GPC6: variants seen among roughly 807,000 people sequenced by gnomAD.
GPC6 encodes the protein glypican-6.
In GPC6, 14 loss-of-function variants were observed where a neutral mutation model predicts 55.2. The observed-to-expected ratio is 0.25, with a 90% CI of 0.17 to 0.40. The LOEUF is 0.40. GPC6 is among the 10% of genes least tolerant of loss of function. The pLI is 1.00. For synonymous variants in GPC6, 278 were observed against 259.6 expected (o/e 1.07, Z -0.68); for missense variants, 641 against 708.5 (o/e 0.90, Z 1.08).
At chr13:93,442,265 C>T (rs993611440) in intron 1 of GPC6, among the ~76,000 whole-genome samples, 1 of 152,024 alleles carries the variant, frequency 6.6e-6, no homozygotes, top group Non-Finnish European at 1.5e-5. Flanking sequence ...CAGCATTGTG[C>T]AGGTGGAATT....
intron 5 of GPC6, among the ~76,000 whole-genome samples, chr13:94,294,633 CT>C (rs35005098): frequency 1.5e-4 from 22 of 149,028 alleles, no homozygotes; most frequent in Middle Eastern, 3.5e-3. Flanking sequence ...GCATCCAGAT[CT>C]TTTTTTTTTC....
intron 1 of GPC6, among the ~76,000 whole-genome samples, chr13:93,519,227 C>T (rs1881316091): frequency 6.6e-6 from 1 of 151,972 alleles, no homozygotes; most frequent in Non-Finnish European, 1.5e-5. Flanking sequence ...GACCATCCTC[C>T]AATTTATAGA....
intron 1 of GPC6, among the ~76,000 whole-genome samples, chr13:93,295,109 C>CAAAAAGA (rs1878439839): frequency 9.7e-5 from 6 of 61,756 alleles, no homozygotes; most frequent in East Asian, 4.6e-4. Flanking sequence ...TCTGTCTCTG[C>CAAAAAGA]AAAAAAAAAA....
At chr13:93,752,142 AG>A (rs1884616311) in intron 2 of GPC6, among the ~76,000 whole-genome samples, 1 of 152,174 alleles carries the variant, frequency 6.6e-6, no homozygotes, top group South Asian at 2.1e-4. Flanking sequence ...GAGTAAGTAG[AG>A]GACCACATAG....
At chr13:93,830,583 T>G (rs749587582) in intron 3 of GPC6, 38 bp downstream of exon 3, 3 of 1,514,060 alleles carry the variant, frequency 2.0e-6, no homozygotes, top group Non-Finnish European at 2.7e-6. Context: ...TTGGTGTTCC[T>G]TGTTTATTCT....
intron 4 of GPC6, among the ~76,000 whole-genome samples, chr13:94,118,364 TAA>T (rs980142276): frequency 2.0e-5 from 3 of 152,224 alleles, no homozygotes; most frequent in East Asian, 1.9e-4. Flanking sequence ...GCCATTATTT[TAA>T]GTTTCCTGAG....
intron 2 of GPC6, among the ~76,000 whole-genome samples, chr13:93,635,885 G>C (rs765271099): frequency 5.9e-5 from 9 of 152,236 alleles, no homozygotes; most frequent in Middle Eastern, 3.4e-3. Context: ...TTCCTAGTGT[G>C]AGAAAGAGGT....
intron 1 of GPC6, among the ~76,000 whole-genome samples, chr13:93,264,626 G>T (rs1877262025): frequency 6.6e-6 from 1 of 152,042 alleles, no homozygotes; most frequent in African/African-American, 2.4e-5. Context: ...GCCCAGGGTT[G>T]AACTCCAATG....
intron 2 of GPC6, among the ~76,000 whole-genome samples, chr13:93,555,449 A>G (rs567678372): frequency 4.5e-4 from 68 of 152,306 alleles, no homozygotes; most frequent in Admixed American, 8.5e-4. Context: ...GGCACAGACC[A>G]GTTAAATGAA....
intron 5 of GPC6, among the ~76,000 whole-genome samples, chr13:94,298,558 C>T (rs1020861344): frequency 6.6e-6 from 1 of 152,210 alleles, no homozygotes; most frequent in Non-Finnish European, 1.5e-5. Context: ...CTCCAGCACC[C>T]ACGGCTCTGA....
chr13:93,934,898 A>ATGT (rs1878355346), intron 3 of GPC6, among the ~76,000 whole-genome samples: 1 of 151,912 alleles, frequency 6.6e-6, no homozygotes, highest in Non-Finnish European at 1.5e-5. Flanking sequence ...TTTTATATAA[A>ATGT]TTTAAGGATA....
intron 3 of GPC6, among the ~76,000 whole-genome samples, chr13:93,973,057 C>G (rs999612953): frequency 6.6e-6 from 1 of 151,964 alleles, no homozygotes; most frequent in Non-Finnish European, 1.5e-5. Context: ...ACAGGTGTAC[C>G]TTGCTTAATG....
intron 4 of GPC6, among the ~76,000 whole-genome samples, chr13:94,162,069 A>G (rs1235441891): frequency 6.6e-6 from 1 of 152,178 alleles, no homozygotes; most frequent in African/African-American, 2.4e-5. Context: ...CTCCCACAAC[A>G]CATGGGAATT....
intron 3 of GPC6, among the ~76,000 whole-genome samples, chr13:93,950,135 C>T (rs996295167): frequency 6.6e-6 from 1 of 152,066 alleles, no homozygotes; most frequent in Non-Finnish European, 1.5e-5. Context: ...GAATTGTACA[C>T]CTAAGAATAG....
chr13:93,649,732 TA>T (rs1162233203), intron 2 of GPC6, among the ~76,000 whole-genome samples: 1 of 152,182 alleles, frequency 6.6e-6, no homozygotes, highest in Non-Finnish European at 1.5e-5. Flanking sequence ...CATATGTACA[TA>T]AAGTCAGCAG....
At chr13:93,777,847 AAG>A (rs1435301730) in intron 2 of GPC6, among the ~76,000 whole-genome samples, 2 of 152,158 alleles carry the variant, frequency 1.3e-5, no homozygotes, top group Non-Finnish European at 2.9e-5. Flanking sequence ...GAGACCAGCT[AAG>A]AGTTCCCTTT....
intron 2 of GPC6, among the ~76,000 whole-genome samples, chr13:93,725,482 A>T (rs1566505316): frequency 1.3e-5 from 2 of 152,074 alleles, no homozygotes; most frequent in Admixed American, 6.6e-5. Flanking sequence ...TAACCTGCTA[A>T]ATCTAGTTAT....
intron 1 of GPC6, among the ~76,000 whole-genome samples, chr13:93,512,075 T>G (rs1406608801): frequency 1.3e-5 from 2 of 152,092 alleles, no homozygotes; most frequent in Non-Finnish European, 2.9e-5. Flanking sequence ...ATCTAAGAGA[T>G]ATTTTGGTGG....
chr13:94,123,090 T>A (rs1886691698), intron 4 of GPC6, among the ~76,000 whole-genome samples: 1 of 152,132 alleles, frequency 6.6e-6, no homozygotes, highest in African/African-American at 2.4e-5. Context: ...ATATATGAGT[T>A]ATATTATAAA....
Sources: gnomAD v4.1 joint callset for allele counts (sites outside exome capture counted in the v4.1 genomes callset) on GRCh38, gnomAD v4.1.1 for gene constraint, MANE v1.5 for transcripts, NCBI Gene and HGNC (gene_info 2026-07-23, HGNC 2026-07-21) for gene names.